RFX5: variants seen among roughly 807,000 people sequenced by gnomAD.
RFX5 encodes DNA-binding protein RFX5.
Under a neutral mutation model 41.2 loss-of-function variants are expected in RFX5, and 30 were observed. The ratio of observed to expected loss-of-function variants is 0.73; its 90% CI spans 0.54 to 0.99. The LOEUF (loss-of-function observed/expected upper bound fraction) is 0.99. Among genes scored for constraint, RFX5 ranks in the 50% least tolerant of loss-of-function variants. The pLI is 0.00. For synonymous variants in RFX5, 231 were observed against 291.8 expected (o/e 0.79, Z 2.12); for missense variants, 715 against 773.6 (o/e 0.92, Z 0.90).
In RFX5 at chr1:151,345,018, C is replaced by T. The variant is rs2233847; in HGVS notation, c.233+88G>A. ...TCCTCTTCATCAAGGACAGCATTTA[C>T]GAGTATTCCTATTCACCTCACCCCT... is the stretch of plus-strand genomic sequence containing the variant. On this transcript the variant is annotated intron_variant, in intron 5 of 10. Transcript: ENST00000452671. 7.5e-3 allele frequency: 11,312 copies of T among 1,513,684 alleles called. 701 individuals carry two copies. In the African/African-American group the frequency reaches 0.13, roughly 18 times the overall value. The allele number at this position is 1,513,684 out of a possible 1,614,324, so 93.8% of individuals were successfully genotyped here.
intron 8 of RFX5, 41 bp from the exon 9 acceptor site, chr1:151,343,923 A>C: frequency 6.3e-7 from 1 of 1,599,880 alleles, no homozygotes; most frequent in Non-Finnish European, 8.6e-7. Flanking sequence ...CTCCAAATTA[A>C]AGAACCCTTG....
At chr1:151,343,496 T>TC in intron 9 of RFX5, 54 bp from the exon 10 acceptor site, 1 of 1,559,546 alleles carries the variant, frequency 6.4e-7, no homozygotes. Context: ...AACTGAGGAA[T>TC]AGGGGAGTGA....
chr1:151,345,476 G>A (rs1310989459), intron 4 of RFX5: 4 of 378,040 alleles, frequency 1.1e-5, no homozygotes, highest in South Asian at 6.6e-5. Context: ...GCTGGGTGTG[G>A]TGACGGGCGC....
chr1:151,345,209 G>A (rs1158620790), intron 4 of RFX5, 21 bp from the exon 5 acceptor site: 1 of 1,599,782 alleles, frequency 6.3e-7, no homozygotes, highest in Non-Finnish European at 8.6e-7. Context: ...AGAGAACAGA[G>A]GCAGGAGAAA....
In RFX5 at chr1:151,342,408, T is replaced by C. The variant is rs1328969991; in HGVS notation, c.1629A>G (p.Gly543=). The part of the protein sequence containing the change: ...GQGDGTVSKG[G]RGPGSQHTKE... ...TGGTATGCTGGGAACCGGGGCCCCT[T>C]CCTCCTTTGGAAACAGTACCATCTC... The change falls in exon 11 of 11, where the codon GGA becomes GGG. Residue 543 remains glycine, a synonymous_variant. Transcript: ENST00000452671. 2.5e-6 allele frequency: 4 copies of C among 1,614,010 alleles called. No homozygotes were observed. The East Asian group carries it at 8.9e-5, about 36-fold the overall frequency.
chr1:151,344,197 A>G lies in RFX5; in HGVS notation c.555T>C (p.Ser185=). ...AATTGGAAGGTGATTTGGTACTTACACTCTCAGAACCCTTTAGGTCAAGTC... is the reference window on the plus strand; with the variant it reads ...AATTGGAAGGTGATTTGGTACTTACGCTCTCAGAACCCTTTAGGTCAAGTC... ...LPGLDLKGSE[S]PEMGPEVTPA... The change falls in exon 8 of 11, where the codon AGT becomes AGC. Residue 185 remains serine (S), a splice_region_variant and synonymous_variant. Transcript: ENST00000452671. The G allele has an allele frequency of 1.9e-6, 3 of 1,614,062 alleles. No homozygotes were observed.
chr1:151,342,132 T>C lies in RFX5; in HGVS notation c.*54A>G. ...TGAGAAGCAAGTGCAAAGAAGGGCC[T>C]CTACTAGGCAAAGTTAACGTAGGGA... On this transcript the variant is annotated 3_prime_UTR_variant, in exon 11 of 11. Transcript: ENST00000452671. 1 of 1,613,170 alleles carries C rather than the reference T, an allele frequency of 6.2e-7. No individual in the cohort carries two copies.
chr1:151,341,914 C>A lies in RFX5; in HGVS notation c.*272G>T. 1 of 649,768 alleles carries A rather than the reference C, an allele frequency of 1.5e-6. No homozygotes were observed. The highest frequency in any genetic ancestry group is 2.9e-6 in the Non-Finnish European group (1 of 347,420). 40.3% of individuals were successfully genotyped at this position (649,768 alleles called of 1,614,324 possible). On this transcript the variant is annotated 3_prime_UTR_variant, in exon 11 of 11. Transcript: ENST00000452671. ...ATCCCTAACCTATATATTCATCATA[C>A]TTAGCCCATTCCTACCTTCCCACAG...
At position 151,344,498 on chromosome 1, in the gene RFX5, C is replaced by T. The variant is rs1303581241; in HGVS notation, c.392G>A (p.Ser131Asn). 2 of 1,614,210 alleles carry T rather than the reference C, an allele frequency of 1.2e-6. No individual in the cohort carries two copies. Among genetic ancestry groups the T allele is most frequent in the Non-Finnish European group, 1.7e-6 (2 of 1,180,038 alleles). ...GATGATCTTGCCAAAGTTGGCTGTG[C>T]TGAGTGGGCGGCAACAGGCAAGACT... ...CESLACCRPL[S>N]TANFGKIIRE... The change falls in exon 7 of 11, where the codon AGC (serine) becomes AAC (asparagine). Residue 131 changes from serine (S) to asparagine (N), a missense_variant. Transcript: ENST00000452671.
Position 151,342,423 on chromosome 1 carries a change from A to C in RFX5, c.1614T>G (p.Thr538=), listed in dbSNP as rs958989841. The C allele has an allele frequency of 1.2e-6, 2 of 1,614,132 alleles. No homozygotes were observed. The highest frequency in any genetic ancestry group is 1.1e-5 in the South Asian group (1 of 91,082). The change falls in exon 11 of 11, where the codon ACT becomes ACG. Residue 538 remains threonine, a synonymous_variant. Transcript: ENST00000452671. ...CGGGGCCCCTTCCTCCTTTGGAAAC[A>C]GTACCATCTCCCTGACCCTGGGCAA... ...AVLAQGQGDG[T]VSKGGRGPGS...
Position 151,341,714 on chromosome 1 carries a change from GAAGATGC to G in RFX5, c.*465_*471del. The G allele has an allele frequency of 3.5e-6, 1 of 287,866 alleles. No individual in the cohort carries two copies. Among genetic ancestry groups the G allele is most frequent in the South Asian group, 3.2e-5 (1 of 30,828 alleles). 17.8% of individuals were successfully genotyped at this position (287,866 alleles called of 1,614,324 possible). A position where few individuals can be genotyped will look rare whatever the true frequency, so the allele number is the denominator to read the frequency against. ...TGGCCCAGACTTAAATGGTCCTACAGAAGATGCAACAGTGAGAAAAAAGTCAGTCCGG... is the reference window on the plus strand; with the variant it reads ...TGGCCCAGACTTAAATGGTCCTACAGAACAGTGAGAAAAAAGTCAGTCCGG... On this transcript the variant is annotated 3_prime_UTR_variant, in exon 11 of 11. Coordinates refer to ENST00000452671, the MANE Select transcript of RFX5 (RefSeq NM_001025603.2).
chr1:151,343,492 G>A (rs1650700153), intron 9 of RFX5, 50 bp from the exon 10 acceptor site: 3 of 1,566,014 alleles, frequency 1.9e-6, no homozygotes, highest in Admixed American at 1.7e-5. Flanking sequence ...AGGAAACTGA[G>A]GAATAGGGGA....
At chr1:151,346,660 T>C in intron 1 of RFX5, 54 bp from the exon 2 acceptor site, 1 of 317,514 alleles carries the variant, frequency 3.1e-6, no homozygotes, top group South Asian at 3.0e-5. Context: ...GAAATTTTCA[T>C]TTCTGCCTCT....
Position 151,342,397 on chromosome 1 carries a change from C to G in RFX5, c.1640G>C (p.Gly547Ala). 1 of 1,614,172 alleles carries G rather than the reference C, an allele frequency of 6.2e-7. No individual in the cohort carries two copies. The highest frequency in any genetic ancestry group is 2.2e-5 in the East Asian group (1 of 44,878). ...GTVSKGGRGP[G>A]SQHTKEAEDK... ...TTCTGCTTCTTTGGTATGCTGGGAA[C>G]CGGGGCCCCTTCCTCCTTTGGAAAC... Residue 547 changes from glycine to alanine, a missense_variant, in exon 11 of 11, where the codon GGT becomes GCT. Coordinates refer to ENST00000452671, the MANE Select transcript of RFX5 (RefSeq NM_001025603.2).
chr1:151,344,927 C>A (rs1650871980), intron 5 of RFX5, 80 bp from the exon 6 acceptor site: 1 of 1,610,588 alleles, frequency 6.2e-7, no homozygotes, highest in Non-Finnish European at 8.5e-7. Flanking sequence ...TTCAGTAGTG[C>A]TGGACCAAAT....
In RFX5 at chr1:151,343,810, C is replaced by T. The variant is rs1293590220; in HGVS notation, c.628G>A (p.Asp210Asn). Residue 210 changes from aspartate (D) to asparagine (N), a missense_variant, in exon 9 of 11, where the codon GAC (aspartate) becomes AAC (asparagine). By Grantham distance (23) the Asp-to-Asn change is conservative. Transcript: ENST00000452671. ...LVEAACALTC[D>N]WAERILKRSF... is the part of the protein sequence containing the mutation. ...CGTTTCAGGATCCGCTCTGCCCAGT[C>T]ACAGGTCAGGGCACACGCTGCCTCC... The T allele has an allele frequency of 6.2e-7, 1 of 1,614,150 alleles. No individual in the cohort carries two copies. The highest frequency in any genetic ancestry group is 1.7e-5 in the Admixed American group (1 of 60,024).
At chr1:151,345,768 C>T (rs1650984762) in intron 4 of RFX5, among the ~76,000 whole-genome samples, 160 bp downstream of exon 4, 1 of 152,096 alleles carries the variant, frequency 6.6e-6, no homozygotes, top group African/African-American at 2.4e-5. Flanking sequence ...GTGAGAGGCA[C>T]AAAGTCAAAC....
intron 4 of RFX5, 37 bp from the exon 5 acceptor site, chr1:151,345,225 A>C: frequency 6.5e-7 from 1 of 1,534,588 alleles, no homozygotes; most frequent in South Asian, 1.1e-5. Flanking sequence ...AGAAATAATA[A>C]GGCCAAGAAG....
chr1:151,345,597 G>T (rs1429195632), intron 4 of RFX5, among the ~76,000 whole-genome samples: 1 of 140,602 alleles, frequency 7.1e-6, no homozygotes, highest in Non-Finnish European at 1.5e-5. Context: ...AGGCGACAGA[G>T]TGAGACTCCA....
Sources: gnomAD v4.1 joint callset for allele counts (sites outside exome capture counted in the v4.1 genomes callset) on GRCh38, gnomAD v4.1.1 for gene constraint, MANE v1.5 for transcripts, NCBI Gene and HGNC (gene_info 2026-07-23, HGNC 2026-07-21) for gene names.